MINPP1: variants seen among roughly 807,000 people sequenced by gnomAD.
MINPP1 encodes the protein multiple inositol-polyphosphate phosphatase 1.
In MINPP1, 28 loss-of-function variants were observed where a neutral mutation model predicts 46.1. The ratio of observed to expected loss-of-function variants is 0.61; its 90% CI spans 0.45 to 0.83. MINPP1 has a LOEUF of 0.83. MINPP1 is among the 40% of genes least tolerant of loss of function. The pLI, the probability that MINPP1 is intolerant of heterozygous loss-of-function variation, is 0.00. For synonymous variants in MINPP1, 268 were observed against 249.1 expected (o/e 1.08, Z -0.72); for missense variants, 603 against 610.0 (o/e 0.99, Z 0.12).
At chr10:87,540,994 T>A (rs1851808612) in intron 4 of MINPP1, among the ~76,000 whole-genome samples, 2 of 152,188 alleles carry the variant, frequency 1.3e-5, no homozygotes, top group Non-Finnish European at 2.9e-5. Context: ...CTACTGTATG[T>A]GCACACACAC....
At chr10:87,507,687 G>T in intron 1 of MINPP1, 1 of 239,214 alleles carries the variant, frequency 4.2e-6, no homozygotes, top group Non-Finnish European at 6.8e-6. Flanking sequence ...GATTATGAAT[G>T]CTTCTCCAAT....
intron 4 of MINPP1, among the ~76,000 whole-genome samples, chr10:87,534,260 G>A (rs1029918105): frequency 6.6e-6 from 1 of 151,940 alleles, no homozygotes; most frequent in Non-Finnish European, 1.5e-5. Flanking sequence ...TCGCCATGTT[G>A]GCCAGGCTGG....
intron 4 of MINPP1, among the ~76,000 whole-genome samples, chr10:87,526,669 A>G (rs916355609): frequency 2.6e-5 from 4 of 152,124 alleles, no homozygotes; most frequent in Admixed American, 2.0e-4. Flanking sequence ...TAGGGTTTTT[A>G]TGGTTTTAAG....
chr10:87,539,127 C>G (rs1851778204), intron 4 of MINPP1, among the ~76,000 whole-genome samples: 1 of 152,130 alleles, frequency 6.6e-6, no homozygotes, highest in South Asian at 2.1e-4. Context: ...CATTTTCACG[C>G]TGTTATTCCT....
At chr10:87,545,899 A>G (rs374231173) in intron 4 of MINPP1, among the ~76,000 whole-genome samples, 28 of 152,332 alleles carry the variant, frequency 1.8e-4, no homozygotes, top group East Asian at 9.6e-4. Flanking sequence ...ATTTAGATGC[A>G]TACACCCTTG....
chr10:87,508,563 T>C lies in MINPP1; in HGVS notation c.835+30T>C. 4 of 1,574,418 alleles carry C rather than the reference T, an allele frequency of 2.5e-6. No individual in the cohort carries two copies. The South Asian group carries it at 4.5e-5, about 18-fold the overall frequency. On this transcript the variant is annotated intron_variant, in intron 2 of 4. Transcript: ENST00000371996. Reference sequence around the variant, plus strand: ...TATGTCTGTTGTCTTTTATTTGAACTTAACAGTTTAAATAATTTTGAACTG... The same window carrying C: ...TATGTCTGTTGTCTTTTATTTGAACCTAACAGTTTAAATAATTTTGAACTG...
At chr10:87,531,287 G>A (rs142448873) in intron 4 of MINPP1, among the ~76,000 whole-genome samples, 1 of 152,306 alleles carries the variant, frequency 6.6e-6, no homozygotes, top group African/African-American at 2.4e-5. Flanking sequence ...GGCTCACACT[G>A]GGAGCTGTAG....
Position 87,552,205 on chromosome 10 carries a change from A to AT in MINPP1, c.1191_1192insT (p.Gln398SerfsTer26). On this transcript the variant is annotated frameshift_variant, in exon 5 of 5. Coordinates refer to ENST00000371996, the MANE Select transcript of MINPP1 (RefSeq NM_004897.5). LOFTEE classifies it high-confidence loss of function. ...CCCTAACAGCGTACAATTACAAAAA[A>AT]CAAATGCATCGGAAGTTCCGAAGTG... is the stretch of plus-strand genomic sequence containing the variant. 3.1e-6 allele frequency: 5 copies of AT among 1,613,854 alleles called. No individual in the cohort carries two copies. Among genetic ancestry groups the AT allele is most frequent in the Non-Finnish European group, 4.2e-6 (5 of 1,179,828 alleles).
At chr10:87,540,698 A>G (rs1324843075) in intron 4 of MINPP1, among the ~76,000 whole-genome samples, 1 of 152,196 alleles carries the variant, frequency 6.6e-6, no homozygotes, top group Non-Finnish European at 1.5e-5. Context: ...GAAACTGGAG[A>G]TTTGGTTCCT....
At chr10:87,515,109 G>A (rs912245302) in intron 3 of MINPP1, among the ~76,000 whole-genome samples, 18 of 151,950 alleles carry the variant, frequency 1.2e-4, no homozygotes, top group Non-Finnish European at 2.5e-4. Context: ...CTTCTTGGCC[G>A]GGCGTGGTGG....
intron 4 of MINPP1, among the ~76,000 whole-genome samples, chr10:87,551,004 C>G (rs1251532782): frequency 6.6e-6 from 1 of 152,130 alleles, no homozygotes; most frequent in Non-Finnish European, 1.5e-5. Context: ...TTGGGATTCT[C>G]TTGTTCTCAG....
intron 4 of MINPP1, among the ~76,000 whole-genome samples, chr10:87,551,531 C>T (rs910604316): frequency 2.6e-5 from 4 of 151,964 alleles, no homozygotes; most frequent in African/African-American, 9.7e-5. Flanking sequence ...ATTGTTTCAG[C>T]CACAATAGGT....
intron 3 of MINPP1, among the ~76,000 whole-genome samples, chr10:87,514,473 T>A (rs1851382952): frequency 6.6e-6 from 1 of 152,214 alleles, no homozygotes; most frequent in Admixed American, 6.5e-5. Flanking sequence ...TGCATTTGGT[T>A]GCATTTCTTT....
At chr10:87,532,982 C>CTT (rs5786778) in intron 4 of MINPP1, among the ~76,000 whole-genome samples, 7 of 145,054 alleles carry the variant, frequency 4.8e-5, no homozygotes, top group Non-Finnish European at 9.1e-5. Flanking sequence ...AAACATTAGC[C>CTT]TTTTTTTTTT....
chr10:87,518,152 G>C (rs1228322199), intron 3 of MINPP1, among the ~76,000 whole-genome samples: 1 of 151,238 alleles, frequency 6.6e-6, no homozygotes, highest in African/African-American at 2.4e-5. Flanking sequence ...GTAGAGACGG[G>C]GTTTCACCCT....
chr10:87,509,650 T>C, intron 2 of MINPP1: 2 of 249,700 alleles, frequency 8.0e-6, no homozygotes, highest in South Asian at 8.3e-5. Flanking sequence ...GTAATTGTTG[T>C]CATGAATTGA....
Position 87,505,023 on chromosome 10 carries a change from G to T in MINPP1, c.108G>T (p.Arg36Ser), listed in dbSNP as rs753715845. 12 of 1,613,142 alleles carry T rather than the reference G, an allele frequency of 7.4e-6. No homozygotes were observed. The highest frequency in any genetic ancestry group is 1.0e-5 in the Non-Finnish European group (12 of 1,179,894). The change falls in exon 1 of 5, where the codon AGG (arginine) becomes AGT (serine). Residue 36 changes from arginine (R) to serine (S), a missense_variant. Around this residue, in one of 3 missense-constraint regions of MINPP1, gnomAD observed 239 missense variants for 189.4 expected, o/e 1.26. Coordinates refer to ENST00000371996, the MANE Select transcript of MINPP1 (RefSeq NM_004897.5). The surrounding 1 kb of genome is among the most constrained non-coding windows in gnomAD (Gnocchi z 4.4). ...SLARCSLLEPRDPVASSLSPY... is the reference protein window; with the variant it reads ...SLARCSLLEPSDPVASSLSPY... ...CGCGCTGCTCTCTTCTAGAGCCGAG[G>T]GACCCGGTGGCCTCGTCGCTCAGCC...
intron 4 of MINPP1, among the ~76,000 whole-genome samples, chr10:87,547,732 T>C (rs1028921434): frequency 8.5e-5 from 13 of 152,206 alleles, no homozygotes; most frequent in Non-Finnish European, 1.5e-4. Flanking sequence ...CTTGAACTCA[T>C]CTCCTGGATT....
intron 2 of MINPP1, among the ~76,000 whole-genome samples, chr10:87,508,883 T>C (rs1010100339): frequency 1.4e-5 from 2 of 147,252 alleles, no homozygotes; most frequent in African/African-American, 5.2e-5. Context: ...AAAAATCATA[T>C]AAATTCTTTA....
Sources: allele counts gnomAD v4.1 joint callset (sites outside exome capture counted in the v4.1 genomes callset), GRCh38; gene constraint gnomAD v4.1.1; regional missense constraint gnomAD v4.1.1; non-coding constraint Gnocchi (gnomAD v3.1); transcripts MANE v1.5; gene names NCBI Gene and HGNC (gene_info 2026-07-23, HGNC 2026-07-21).